Variants in EVC observed in about 807,000 individuals in gnomAD.
The protein encoded by EVC is evC complex member EVC.
EVC carries 116 observed loss-of-function variants against 118.9 expected under a neutral mutation model. That is an observed-to-expected ratio of 0.98 (90% CI 0.84 to 1.14). The LOEUF (loss-of-function observed/expected upper bound fraction) is 1.14, where lower values mean the gene tolerates loss of function less well. EVC is among the 50% of genes most tolerant of loss of function. EVC has a pLI of 0.00. For missense variants in EVC, 1,401 were observed against 1,246.4 expected (o/e 1.12, Z -1.87); for synonymous variants, 619 against 534.7 (o/e 1.16, Z -2.18).
At chr4:5,758,801 G>A (rs1308257850) in intron 11 of EVC, among the ~76,000 whole-genome samples, 1 of 152,130 alleles carries the variant, frequency 6.6e-6, no homozygotes, top group Non-Finnish European at 1.5e-5. Flanking sequence ...CAGTGTTGAC[G>A]GCTGTTGTGA....
chr4:5,808,219 G>C lies in EVC; in HGVS notation c.2580G>C (p.Lys860Asn), dbSNP rs1264987350. 1.8e-5 allele frequency: 26 copies of C among 1,475,700 alleles called. No homozygotes were observed. Among genetic ancestry groups the C allele is most frequent in the Non-Finnish European group, 2.4e-5 (26 of 1,095,226 alleles). 91.4% of individuals were successfully genotyped at this position (1,475,700 alleles called of 1,614,324 possible). A position where few individuals can be genotyped will look rare whatever the true frequency, so the allele number is the denominator to read the frequency against. ...CCCCCAGGATGCTGTCCCAGCAGAA[G>C]AGGTTCCTGGCCCAGTTCCCAGTGC... ...AVHQRMLSQQ[K>N]RFLAQFPVHQ... The change falls in exon 18 of 21, where the codon AAG becomes AAC. Residue 860 changes from lysine (K) to asparagine (N), a missense_variant. Lys to Asn is a moderately conservative substitution (Grantham distance 94, BLOSUM62 0). Transcript: ENST00000264956.
chr4:5,821,752 A>G, the EVC span: 11 of 1,605,294 alleles, frequency 6.9e-6, no homozygotes, highest in South Asian at 1.2e-4. The surrounding 1 kb of genome is among the most constrained non-coding windows in gnomAD (Gnocchi z 4.4). Flanking sequence ...TCCTCCGCGC[A>G]TCCACGTTCA....
chr4:5,778,185 T>G (rs28585418), intron 11 of EVC, among the ~76,000 whole-genome samples: 47,099 of 150,728 alleles, frequency 0.31, 7,961 homozygotes, highest in Admixed American at 0.44. Context: ...TTTTTATGGC[T>G]GCATAGTATT....
intron 5 of EVC, among the ~76,000 whole-genome samples, chr4:5,741,477 G>A (rs994271058): frequency 2.0e-5 from 3 of 152,208 alleles, no homozygotes; most frequent in African/African-American, 7.2e-5. Context: ...CATGCATGAG[G>A]AAGAAAGGAA....
At chr4:5,744,205 C>T (rs894327132) in intron 6 of EVC, among the ~76,000 whole-genome samples, 3 of 152,314 alleles carry the variant, frequency 2.0e-5, no homozygotes, top group African/African-American at 7.2e-5. Context: ...CCCTTCCTGC[C>T]TGGGCATCTT....
Position 5,755,669 on chromosome 4 carries a change from C to A in EVC, c.1465-595C>A, listed in dbSNP as rs1487609518. Among the ~76,000 whole-genome samples, 1 of 152,158 alleles carries A rather than the reference C, an allele frequency of 6.6e-6. No individual in the cohort carries two copies. Among genetic ancestry groups the A allele is most frequent in the African/African-American group, 2.4e-5 (1 of 41,434 alleles). Reference sequence around the variant, plus strand: ...AGACTCCATTGAAACATCTCCCCAACAGGGAATTTTCTCCTGCAACCCTTC... The same window carrying A: ...AGACTCCATTGAAACATCTCCCCAAAAGGGAATTTTCTCCTGCAACCCTTC... On this transcript the variant is annotated intron_variant, in intron 10 of 20. Transcript: ENST00000264956. This position sits in a 1 kb window ranked among gnomAD's most constrained non-coding sequence, Gnocchi z 4.1.
In EVC at chr4:5,719,565, G is replaced by A. The variant is rs752377739; in HGVS notation, c.300+192G>A. Reference sequence around the variant, plus strand: ...TACAGTTTGATGAGTTTTGACAATTGCATGCCCCTTAGAACAAATACCCCC... The same window carrying A: ...TACAGTTTGATGAGTTTTGACAATTACATGCCCCTTAGAACAAATACCCCC... On this transcript the variant is annotated intron_variant, in intron 2 of 20. Transcript: ENST00000264956. The surrounding 1 kb of genome is among the most constrained non-coding windows in gnomAD (Gnocchi z 4.7). Among the ~76,000 whole-genome samples, 1 of 152,160 alleles carries A rather than the reference G, an allele frequency of 6.6e-6. No homozygotes were observed. The highest frequency in any genetic ancestry group is 1.5e-5 in the Non-Finnish European group (1 of 68,038).
At position 5,754,577 on chromosome 4, in the gene EVC, G is replaced by A. The variant is rs1424138396; in HGVS notation, c.1464+644G>A. On this transcript the variant is annotated intron_variant, in intron 10 of 20. Coordinates refer to ENST00000264956, the MANE Select transcript of EVC (RefSeq NM_153717.3). The surrounding 1 kb of genome is among the most constrained non-coding windows in gnomAD (Gnocchi z 5.8). Reference sequence around the variant, plus strand: ...GACCACCGAGCTCTGGTTTCGCTCTGCTTGCTTTCACTAGTAATGGGCAGT... The same window carrying A: ...GACCACCGAGCTCTGGTTTCGCTCTACTTGCTTTCACTAGTAATGGGCAGT... Among the ~76,000 whole-genome samples, 1 of 152,122 alleles carries A rather than the reference G, an allele frequency of 6.6e-6. No individual in the cohort carries two copies. Among genetic ancestry groups the A allele is most frequent in the African/African-American group, 2.4e-5 (1 of 41,436 alleles).
chr4:5,752,492 G>C (rs535930676), intron 8 of EVC, among the ~76,000 whole-genome samples: 83 of 152,264 alleles, frequency 5.5e-4, no homozygotes, highest in African/African-American at 1.4e-3. Context: ...AGATTGGCCG[G>C]GGGAGATGAC....
At chr4:5,809,711 C>A in intron 19 of EVC, 100 bp downstream of exon 19, 1 of 1,120,866 alleles carries the variant, frequency 8.9e-7, no homozygotes, top group Non-Finnish European at 1.3e-6. Flanking sequence ...TGACCTTAGG[C>A]ATCGTGCCTA....
intron 16 of EVC, among the ~76,000 whole-genome samples, chr4:5,803,107 A>G (rs1715298873): frequency 6.6e-6 from 1 of 152,238 alleles, no homozygotes; most frequent in Non-Finnish European, 1.5e-5. Context: ...AAAGGACAGT[A>G]TCCCCAGTTC....
intron 1 of EVC, among the ~76,000 whole-genome samples, chr4:5,713,583 A>G (rs1431045151): frequency 1.3e-5 from 2 of 149,910 alleles, no homozygotes; most frequent in African/African-American, 4.9e-5. Context: ...AGGCTGAGGC[A>G]GGAGAATCGC....
intron 12 of EVC, among the ~76,000 whole-genome samples, chr4:5,785,820 C>G (rs569517398): frequency 3.9e-5 from 6 of 152,316 alleles, no homozygotes; most frequent in Admixed American, 6.5e-5. Flanking sequence ...CTGTATTCTT[C>G]GAAGGGATCT....
At chr4:5,762,479 T>G (rs1577478435) in intron 11 of EVC, among the ~76,000 whole-genome samples, 1 of 125,892 alleles carries the variant, frequency 7.9e-6, no homozygotes, top group African/African-American at 3.1e-5. Flanking sequence ...ATCGCCACAC[T>G]GACTTCCACA....
intron 12 of EVC, among the ~76,000 whole-genome samples, chr4:5,790,866 G>C (rs1184356170): frequency 2.0e-5 from 3 of 152,176 alleles, no homozygotes; most frequent in Admixed American, 2.0e-4. Context: ...GGCCGAGGCA[G>C]ATGGATCACT....
intron 2 of EVC, 56 bp from the exon 3 acceptor site, chr4:5,729,251 A>C: frequency 3.2e-6 from 5 of 1,565,396 alleles, no homozygotes; most frequent in Non-Finnish European, 4.4e-6. Flanking sequence ...AAACTTGACA[A>C]CTTATCCTTC....
rs576736709 is a variant in EVC, at chr4:5,794,387, A to T, written c.1886+670A>T. ...TTTATATTTATATACATATATATAT[A>T]TTTTTTATATATATATATATTTTTT... On this transcript the variant is annotated intron_variant, in intron 13 of 20. Transcript: ENST00000264956. Among the ~76,000 whole-genome samples, 417 of 139,596 alleles carry T rather than the reference A, an allele frequency of 3.0e-3. 2 individuals are homozygous for T. The highest frequency in any genetic ancestry group is 9.2e-3 in the African/African-American group (357 of 38,758). The allele number at this position is 139,596 out of a possible 152,430, so 91.6% of individuals were successfully genotyped here. A position where few individuals can be genotyped will look rare whatever the true frequency, so the allele number is the denominator to read the frequency against.
intron 2 of EVC, among the ~76,000 whole-genome samples, chr4:5,723,397 G>T (rs1577336180): frequency 6.6e-6 from 1 of 151,982 alleles, no homozygotes; most frequent in Admixed American, 6.5e-5. Flanking sequence ...CACCATGTTG[G>T]TCAGGCTGGT....
At chr4:5,732,560 T>G (rs1299559243) in intron 4 of EVC, among the ~76,000 whole-genome samples, 1 of 152,264 alleles carries the variant, frequency 6.6e-6, no homozygotes, top group Non-Finnish European at 1.5e-5. Context: ...GGTCAAAGAC[T>G]TTTACACTCT....
Sources: gnomAD v4.1 joint callset for allele counts (sites outside exome capture counted in the v4.1 genomes callset) on GRCh38, gnomAD v4.1.1 for gene constraint, Gnocchi (gnomAD v3.1) non-coding constraint, MANE v1.5 for transcripts, NCBI Gene and HGNC (gene_info 2026-07-23, HGNC 2026-07-21) for gene names.